The following PCSK2 variants were observed in gnomAD, a reference collection of about 807,000 sequenced individuals.
The protein encoded by PCSK2 is neuroendocrine convertase 2.
A neutral mutation model predicts 69.7 loss-of-function variants in PCSK2; 14 were observed. That is an observed-to-expected ratio of 0.20 (90% CI 0.13 to 0.31). PCSK2 has a LOEUF of 0.31. PCSK2 is among the 10% of genes least tolerant of loss of function. The pLI is 1.00. For missense variants in PCSK2, 544 were observed against 842.5 expected (o/e 0.65, Z 4.39); for synonymous variants, 307 against 320.7 (o/e 0.96, Z 0.46).
At chr20:17,386,735 T>C (rs992127559) in intron 5 of PCSK2, among the ~76,000 whole-genome samples, 1 of 152,204 alleles carries the variant, frequency 6.6e-6, no homozygotes, top group Non-Finnish European at 1.5e-5. Flanking sequence ...TTAACATTAC[T>C]GAACTGTACA....
intron 8 of PCSK2, among the ~76,000 whole-genome samples, chr20:17,446,062 C>T (rs2032694139): frequency 6.6e-6 from 1 of 152,188 alleles, no homozygotes; most frequent in African/African-American, 2.4e-5. Context: ...AGCGTTGGCC[C>T]ACCTGGGCCC....
intron 1 of PCSK2, among the ~76,000 whole-genome samples, chr20:17,232,212 G>A (rs1454041244): frequency 6.6e-6 from 1 of 152,200 alleles, no homozygotes; most frequent in Non-Finnish European, 1.5e-5. Flanking sequence ...CAGAAATCTT[G>A]GGGGCCATCT....
Position 17,303,199 on chromosome 20 carries a change from A to T in PCSK2, c.282+42855A>T, listed in dbSNP as rs1322140596. Among the ~76,000 whole-genome samples, 9 of 144,038 alleles carry T rather than the reference A, an allele frequency of 6.2e-5. No homozygotes were observed. The Admixed American group carries it at 6.5e-4, about 10-fold the overall frequency. The allele number at this position is 144,038 out of a possible 152,430, so 94.5% of individuals were successfully genotyped here. ...ATACATATATAATATATATATTTAT[A>T]TTATTATAATATAACCATACATATC... is the stretch of plus-strand genomic sequence containing the variant. On this transcript the variant is annotated intron_variant, in intron 2 of 11. Coordinates refer to ENST00000262545, the MANE Select transcript of PCSK2 (RefSeq NM_002594.5).
chr20:17,330,817 C>T (rs1222963746), intron 2 of PCSK2, among the ~76,000 whole-genome samples: 1 of 152,134 alleles, frequency 6.6e-6, no homozygotes, highest in East Asian at 1.9e-4. Flanking sequence ...TCTCAACCAT[C>T]CCCTGTGGTT....
chr20:17,478,567 T>C (rs902666031), intron 11 of PCSK2, among the ~76,000 whole-genome samples: 19 of 152,240 alleles, frequency 1.2e-4, no homozygotes, highest in African/African-American at 4.6e-4. Context: ...GTTGTTACTA[T>C]GCTATTAGTT....
chr20:17,458,291 G>A (rs2032957454), intron 10 of PCSK2, among the ~76,000 whole-genome samples: 1 of 152,138 alleles, frequency 6.6e-6, no homozygotes, highest in African/African-American at 2.4e-5. Context: ...TAAGGGAGTA[G>A]GGGAAACAAG....
intron 7 of PCSK2, among the ~76,000 whole-genome samples, chr20:17,434,952 A>G (rs2032453342): frequency 6.6e-6 from 1 of 152,228 alleles, no homozygotes; most frequent in Admixed American, 6.5e-5. Context: ...AGGTGGACCA[A>G]AAGCAAAATA....
intron 1 of PCSK2, among the ~76,000 whole-genome samples, chr20:17,235,823 T>C (rs182902387): frequency 6.6e-6 from 1 of 152,252 alleles, no homozygotes; most frequent in Admixed American, 6.5e-5. Context: ...AATCCTTCCA[T>C]TTGTGAGATG....
At chr20:17,318,096 T>C (rs1473185898) in intron 2 of PCSK2, among the ~76,000 whole-genome samples, 2 of 152,236 alleles carry the variant, frequency 1.3e-5, no homozygotes, top group Non-Finnish European at 2.9e-5. Flanking sequence ...CGACTGGATG[T>C]GTTCTAAGAT....
intron 5 of PCSK2, among the ~76,000 whole-genome samples, chr20:17,378,992 T>A (rs1353377738): frequency 6.6e-6 from 1 of 152,206 alleles, no homozygotes; most frequent in Non-Finnish European, 1.5e-5. Flanking sequence ...ACCAAAAACC[T>A]TTAGGTGACC....
chr20:17,398,313 C>T (rs2123283963), intron 5 of PCSK2, among the ~76,000 whole-genome samples: 1 of 152,042 alleles, frequency 6.6e-6, no homozygotes, highest in East Asian at 1.9e-4. Flanking sequence ...TCGCTTGAGG[C>T]CAGGAATTTG....
intron 9 of PCSK2, among the ~76,000 whole-genome samples, chr20:17,455,103 C>T (rs1370563318): frequency 2.0e-5 from 3 of 152,074 alleles, no homozygotes; most frequent in Non-Finnish European, 4.4e-5. Context: ...TGACACTTCA[C>T]TCTCACGCCT....
rs1429716227 is a variant in PCSK2, at chr20:17,228,470, G to T, written c.177+988G>T. On this transcript the variant is annotated intron_variant, in intron 1 of 11. Transcript: ENST00000262545. ...AGTGTCCTTAGGGGACCTGGCGCAGGCTGGGGTGGAGTGTGGGTGCAGAGA... is the reference window on the plus strand; with the variant it reads ...AGTGTCCTTAGGGGACCTGGCGCAGTCTGGGGTGGAGTGTGGGTGCAGAGA... Among the ~76,000 whole-genome samples the T allele has an allele frequency of 2.0e-5, 3 of 152,246 alleles. No individual in the cohort carries two copies. The East Asian group carries it at 5.8e-4, about 30-fold the overall frequency.
intron 2 of PCSK2, among the ~76,000 whole-genome samples, chr20:17,311,120 A>ACATAGAG (rs1989497297): frequency 6.6e-6 from 1 of 152,150 alleles, no homozygotes; most frequent in Non-Finnish European, 1.5e-5. Context: ...AGCCCATTAA[A>ACATAGAG]CATAGAGCAA....
intron 1 of PCSK2, among the ~76,000 whole-genome samples, chr20:17,249,403 A>G (rs888517346): frequency 1.4e-5 from 2 of 148,050 alleles, no homozygotes; most frequent in Non-Finnish European, 3.0e-5. Flanking sequence ...GCTACTCGGG[A>G]GGCTGAGGCA....
At chr20:17,313,589 A>T (rs1410935649) in intron 2 of PCSK2, among the ~76,000 whole-genome samples, 1 of 152,142 alleles carries the variant, frequency 6.6e-6, no homozygotes, top group Non-Finnish European at 1.5e-5. Flanking sequence ...CCCCCTCATC[A>T]ACCTCATTCC....
chr20:17,382,602 C>A (rs774940058), intron 5 of PCSK2, among the ~76,000 whole-genome samples: 86 of 152,234 alleles, frequency 5.6e-4, no homozygotes, highest in Non-Finnish European at 1.3e-4. Context: ...GGCAATACAC[C>A]TGCCTCTCTG....
At chr20:17,405,694 A>G (rs2031735788) in intron 5 of PCSK2, among the ~76,000 whole-genome samples, 1 of 152,244 alleles carries the variant, frequency 6.6e-6, no homozygotes, top group African/African-American at 2.4e-5. Context: ...CTTTCTAGCT[A>G]AGAGCGAGTC....
chr20:17,323,193 T>A (rs185226701), intron 2 of PCSK2, among the ~76,000 whole-genome samples: 2 of 152,146 alleles, frequency 1.3e-5, no homozygotes, highest in South Asian at 4.1e-4. Flanking sequence ...ACCACCATAA[T>A]GGGAAGTAAG....
Sources: gnomAD v4.1 joint callset for allele counts (sites outside exome capture counted in the v4.1 genomes callset) on GRCh38, gnomAD v4.1.1 for gene constraint, MANE v1.5 for transcripts, NCBI Gene and HGNC (gene_info 2026-07-23, HGNC 2026-07-21) for gene names.